CTNNA3: variants seen among roughly 807,000 people sequenced by gnomAD.
The protein encoded by CTNNA3 is catenin alpha 3.
CTNNA3 carries 76 observed loss-of-function variants against 95.7 expected under a neutral mutation model. That is an observed-to-expected ratio of 0.79 (90% confidence interval 0.66 to 0.96). The LOEUF is 0.96. Among genes scored for constraint, CTNNA3 ranks in the 40% least tolerant of loss-of-function variants. CTNNA3 has a pLI of 0.00. For missense variants in CTNNA3, 1,191 were observed against 1,089.8 expected, an observed-to-expected ratio of 1.09 and a Z score of -1.31; for synonymous variants, 431 against 374.4, an observed-to-expected ratio of 1.15 and a Z score of -1.74.
rs1004918591 is a variant in CTNNA3 at position 66,084,488 on chromosome 10, A to T, written c.1978-14999T>A. Among the ~76,000 whole-genome samples the T allele has an allele frequency of 3.9e-5, 6 of 152,318 alleles. No homozygotes were observed. In the East Asian group the frequency reaches 1.2e-3, roughly 29 times the overall value. ...TGAAATCTACCAGAAATTGAAGATG[A>T]TTTCTAAAATTCTAGATTACTTACA... On this transcript the variant is annotated intron_variant, in intron 14 of 17. Coordinates refer to ENST00000433211, the MANE Select transcript of CTNNA3 (RefSeq NM_013266.4).
intron 13 of CTNNA3, among the ~76,000 whole-genome samples, chr10:66,277,266 T>C (rs2091417741): frequency 6.6e-6 from 1 of 152,124 alleles, no homozygotes; most frequent in African/African-American, 2.4e-5. Flanking sequence ...GTTAGTATTT[T>C]ATTGTTTCAA....
intron 16 of CTNNA3, among the ~76,000 whole-genome samples, chr10:65,976,398 C>T (rs892370106): frequency 7.9e-5 from 12 of 152,138 alleles, no homozygotes; most frequent in Admixed American, 7.9e-4. Flanking sequence ...GCAAAACATG[C>T]TGTCTCTATC....
At chr10:66,473,596 A>C (rs1050600301) in intron 11 of CTNNA3, among the ~76,000 whole-genome samples, 3 of 151,906 alleles carry the variant, frequency 2.0e-5, no homozygotes, top group Admixed American at 1.3e-4. Context: ...TACATGTGCC[A>C]AGTTGGTGTG....
At chr10:66,508,722 T>G (rs967611729) in intron 11 of CTNNA3, among the ~76,000 whole-genome samples, 50 of 152,214 alleles carry the variant, frequency 3.3e-4, no homozygotes, top group African/African-American at 1.1e-3. Context: ...GATTTAATTA[T>G]CCTTTATGGC....
intron 5 of CTNNA3, among the ~76,000 whole-genome samples, chr10:67,324,295 G>A (rs1407203040): frequency 6.6e-6 from 1 of 152,106 alleles, no homozygotes; most frequent in South Asian, 2.1e-4. Context: ...AGGCATCCTT[G>A]TCTTGTGCTG....
At chr10:67,700,087 GC>G (rs1478563872), upstream of CTNNA3, among the ~76,000 whole-genome samples, 1 of 152,242 alleles carries the variant, frequency 6.6e-6, no homozygotes, top group Non-Finnish European at 1.5e-5. Flanking sequence ...GCCCGCCATT[GC>G]CCAGGCTTGC....
intron 12 of CTNNA3, among the ~76,000 whole-genome samples, chr10:66,330,414 G>A (rs547435861): frequency 6.6e-6 from 1 of 151,996 alleles, no homozygotes; most frequent in South Asian, 2.1e-4. Context: ...CTGTTTTATG[G>A]CTGCATAGTA....
rs1564897280 is a variant in CTNNA3 at position 66,360,816 on chromosome 10, C to CTTTCTTTCTTT, written c.1732+18335_1732+18336insAAAGAAAGAAA. On this transcript the variant is annotated intron_variant, in intron 12 of 17. Transcript: ENST00000433211. ...TCCTTCCTTCCTTCCTTCCTTCCTT[C>CTTTCTTTCTTT]CTTTCTTTCTTTCTTTCTTTCTTTC... Among the ~76,000 whole-genome samples, 351 of 50,182 alleles carry CTTTCTTTCTTT rather than the reference C, an allele frequency of 7.0e-3. 9 individuals carry two copies. Among genetic ancestry groups the CTTTCTTTCTTT allele is most frequent in the Admixed American group, 0.013 (55 of 4,214 alleles). The allele number at this position is 50,182 out of a possible 152,430, so 32.9% of individuals were successfully genotyped here. A position where few individuals can be genotyped will look rare whatever the true frequency, so the allele number is the denominator to read the frequency against.
intron 14 of CTNNA3, among the ~76,000 whole-genome samples, chr10:66,072,801 T>G (rs750890046): frequency 6.6e-6 from 1 of 152,260 alleles, no homozygotes; most frequent in Non-Finnish European, 1.5e-5. Context: ...CCTTTTAACT[T>G]TCTTCATTAT....
intron 7 of CTNNA3, among the ~76,000 whole-genome samples, chr10:66,856,200 T>C (rs1210765337): frequency 1.3e-5 from 2 of 152,034 alleles, no homozygotes; most frequent in African/African-American, 4.8e-5. Flanking sequence ...TGTGTTAGTT[T>C]GTTTAGAATA....
At chr10:67,553,798 T>C (rs541308373) in intron 3 of CTNNA3, among the ~76,000 whole-genome samples, 1 of 152,234 alleles carries the variant, frequency 6.6e-6, no homozygotes, top group Non-Finnish European at 1.5e-5. Flanking sequence ...CTAGGGTACA[T>C]GTGCATAATG....
intron 1 of CTNNA3, among the ~76,000 whole-genome samples, chr10:67,752,055 A>G (rs1285029725): frequency 6.6e-6 from 1 of 152,214 alleles, no homozygotes; most frequent in Non-Finnish European, 1.5e-5. Context: ...CCTGATGAAC[A>G]TTGATGCAAA....
At chr10:66,835,405 C>T (rs754908433) in intron 7 of CTNNA3, among the ~76,000 whole-genome samples, 14 of 152,212 alleles carry the variant, frequency 9.2e-5, no homozygotes, top group Non-Finnish European at 1.8e-4. Flanking sequence ...GAATGGGAAA[C>T]TTTAGGCCTG....
intron 11 of CTNNA3, among the ~76,000 whole-genome samples, chr10:66,428,806 G>T (rs1473668917): frequency 6.6e-6 from 1 of 151,888 alleles, no homozygotes; most frequent in Admixed American, 6.6e-5. Context: ...AAGCAGGAAA[G>T]ATCCAAAATT....
chr10:66,953,455 A>G (rs1848639166), intron 7 of CTNNA3, among the ~76,000 whole-genome samples: 1 of 152,214 alleles, frequency 6.6e-6, no homozygotes, highest in Non-Finnish European at 1.5e-5. Context: ...GGTGATGATT[A>G]CATTACATTT....
chr10:66,813,936 CAT>C (rs1358858614), intron 7 of CTNNA3, among the ~76,000 whole-genome samples: 73 of 151,946 alleles, frequency 4.8e-4, no homozygotes, highest in African/African-American at 1.6e-3. Flanking sequence ...AAGAAGCTCT[CAT>C]GTGAAATGAA....
intron 6 of CTNNA3, among the ~76,000 whole-genome samples, chr10:67,191,620 G>C (rs74922250): frequency 0.023 from 3,551 of 151,788 alleles, 117 homozygotes; most frequent in African/African-American, 0.074. Context: ...AAATGAAAAA[G>C]TACCCTGATG....
At chr10:67,660,499 CACAA>C (rs1448805157) in intron 1 of CTNNA3, among the ~76,000 whole-genome samples, 1 of 152,072 alleles carries the variant, frequency 6.6e-6, no homozygotes, top group African/African-American at 2.4e-5. Flanking sequence ...ATGGAAAAGC[CACAA>C]ACACTCATCT....
intron 12 of CTNNA3, among the ~76,000 whole-genome samples, chr10:66,344,889 C>T (rs948700075): frequency 3.9e-5 from 6 of 151,904 alleles, no homozygotes; most frequent in Non-Finnish European, 7.4e-5. Context: ...CTTTCTTGCC[C>T]ACAAGTATAA....
Sources: gnomAD v4.1 joint callset for allele counts (sites outside exome capture counted in the v4.1 genomes callset) on GRCh38, gnomAD v4.1.1 for gene constraint, MANE v1.5 for transcripts, NCBI Gene and HGNC (gene_info 2026-07-23, HGNC 2026-07-21) for gene names.